Variants in NIBAN2 observed in about 807,000 individuals in gnomAD.
NIBAN2 encodes niban apoptosis regulator 2, also known as protein Niban 2.
Under a neutral mutation model 81.8 loss-of-function variants are expected in NIBAN2, and 36 were observed. That is an observed-to-expected ratio of 0.44 (90% CI 0.34 to 0.58). The LOEUF (loss-of-function observed/expected upper bound fraction) is 0.58, where lower values mean the gene tolerates loss of function less well. Among genes scored for constraint, NIBAN2 ranks in the 20% least tolerant of loss-of-function variants. NIBAN2 has a pLI of 0.02. For missense variants in NIBAN2, 897 were observed against 1,014.1 expected, an observed-to-expected ratio of 0.88 and a Z score of 1.57; for synonymous variants, 445 against 441.6, an observed-to-expected ratio of 1.01 and a Z score of -0.10.
upstream of NIBAN2, among the ~76,000 whole-genome samples, chr9:127,571,631 G>C (rs1837946890): frequency 6.6e-6 from 1 of 152,088 alleles, no homozygotes; most frequent in Admixed American, 6.5e-5. Context: ...GGGAGGCAGA[G>C]GTTGCAGTGA....
chr9:127,568,825 A>T lies in NIBAN2; in HGVS notation c.50T>A (p.Ile17Asn). 1 of 1,365,800 alleles carries T rather than the reference A, an allele frequency of 7.3e-7. No homozygotes were observed. The highest frequency in any genetic ancestry group is 9.5e-7 in the Non-Finnish European group (1 of 1,054,380). 84.6% of individuals were successfully genotyped at this position (1,365,800 alleles called of 1,614,324 possible). The part of the protein sequence containing the change: ...THLDDARRQH[I>N]AEKTGKILTE... ...TGGCGCGGCGCGACCCTCACCTGCG[A>T]TGTGCTGGCGCCGGGCGTCGTCCAG... Residue 17 changes from isoleucine to asparagine, a missense_variant, in exon 1 of 14, where the codon ATC becomes AAC. Coordinates refer to ENST00000373312, the MANE Select transcript of NIBAN2 (RefSeq NM_022833.4).
At position 127,545,611 on chromosome 9, in the gene NIBAN2, ACT is replaced by A. The variant is rs1837456849; in HGVS notation, c.56-13835_56-13834del. ...GGTTTTTCACAAGGCTGCCTTGAAA[ACT>A]CTTCTCGGTTGGCAAATATTTAACC... On this transcript the variant is annotated intron_variant, in intron 1 of 13. Coordinates refer to ENST00000373312, the MANE Select transcript of NIBAN2 (RefSeq NM_022833.4). The surrounding 1 kb of genome is among the most constrained non-coding windows in gnomAD (Gnocchi z 4.7). 6.8e-6 allele frequency among the ~76,000 whole-genome samples: 1 copy of A among 146,866 alleles called. No individual in the cohort carries two copies. Among genetic ancestry groups the A allele is most frequent in the African/African-American group, 2.5e-5 (1 of 39,548 alleles).
At chr9:127,555,548 A>T (rs1243759288) in intron 1 of NIBAN2, among the ~76,000 whole-genome samples, 1 of 152,182 alleles carries the variant, frequency 6.6e-6, no homozygotes, top group Non-Finnish European at 1.5e-5. Context: ...GCGGCAGCTC[A>T]CGTCTGTAAT....
chr9:127,530,108 C>T (rs188934327), intron 2 of NIBAN2, among the ~76,000 whole-genome samples: 235 of 152,340 alleles, frequency 1.5e-3, no homozygotes, highest in African/African-American at 5.5e-3. Flanking sequence ...ACCTGGGCTG[C>T]GTCCAAGGCC....
intron 8 of NIBAN2, among the ~76,000 whole-genome samples, chr9:127,511,426 T>G (rs978920731): frequency 6.6e-6 from 1 of 151,326 alleles, no homozygotes; most frequent in African/African-American, 2.4e-5. Context: ...TCAAACTCCC[T>G]GGGCTCAAGT....
intron 1 of NIBAN2, among the ~76,000 whole-genome samples, chr9:127,548,941 G>C (rs1400557143): frequency 1.3e-5 from 2 of 152,200 alleles, no homozygotes; most frequent in East Asian, 3.9e-4. Flanking sequence ...CAGATGCCCA[G>C]GATAAGGGAC....
chr9:127,530,347 C>A (rs1321351237), intron 2 of NIBAN2, among the ~76,000 whole-genome samples: 3 of 152,230 alleles, frequency 2.0e-5, no homozygotes, highest in Non-Finnish European at 2.9e-5. Flanking sequence ...CAGAAAGGGC[C>A]CTGGGCTGGT....
At chr9:127,530,914 C>A (rs1001854657) in intron 2 of NIBAN2, among the ~76,000 whole-genome samples, 1 of 151,954 alleles carries the variant, frequency 6.6e-6, no homozygotes, top group Non-Finnish European at 1.5e-5. Flanking sequence ...CATGGTGGCT[C>A]ACGCCTGTAA....
At position 127,510,339 on chromosome 9, in the gene NIBAN2, C is replaced by G. The variant is rs1564294699; in HGVS notation, c.974-6G>C. The G allele has an allele frequency of 6.3e-7, 1 of 1,586,536 alleles. No homozygotes were observed. Among genetic ancestry groups the G allele is most frequent in the Non-Finnish European group, 8.6e-7 (1 of 1,160,958 alleles). On this transcript the variant is annotated splice_region_variant and splice_polypyrimidine_tract_variant and intron_variant, in intron 8 of 13. Coordinates refer to ENST00000373312, the MANE Select transcript of NIBAN2 (RefSeq NM_022833.4). ...TGCCTTGGGGAGGATGAAGGCTGTG[C>G]CCCGAGGGAGCCGGGTCAGCAGGGG...
rs777558102 is a variant in NIBAN2, at chr9:127,527,299, G to A, written c.210C>T (p.Val70=). ...WRKVPLDERI[V]FSGNLFQHQE... ...GGTGCTGGAAGAGGTTCCCCGAGAA[G>A]ACGATGCGCTCGTCCAGTGGCACCT... is the stretch of plus-strand genomic sequence containing the variant. The change falls in exon 3 of 14, where the codon GTC becomes GTT. Residue 70 remains valine (V), a synonymous_variant. Coordinates refer to ENST00000373312, the MANE Select transcript of NIBAN2 (RefSeq NM_022833.4). 245 of 1,613,662 alleles carry A rather than the reference G, an allele frequency of 1.5e-4. No homozygotes were observed. Among genetic ancestry groups the A allele is most frequent in the Non-Finnish European group, 2.0e-4 (234 of 1,179,962 alleles).
chr9:127,572,848 G>A (rs73607742), upstream of NIBAN2, among the ~76,000 whole-genome samples: 2 of 151,900 alleles, frequency 1.3e-5, no homozygotes, highest in Admixed American at 6.6e-5. Flanking sequence ...AGTTTGAGAC[G>A]AGCATGGGCA....
chr9:127,558,850 G>A (rs1177167882), intron 1 of NIBAN2, among the ~76,000 whole-genome samples: 1 of 152,086 alleles, frequency 6.6e-6, no homozygotes, highest in East Asian at 1.9e-4. Flanking sequence ...CAGCTAAAAC[G>A]CAATTGCCAT....
intron 1 of NIBAN2, among the ~76,000 whole-genome samples, chr9:127,552,970 G>A (rs1352164201): frequency 1.3e-5 from 2 of 152,132 alleles, no homozygotes; most frequent in South Asian, 4.1e-4. Flanking sequence ...GGGATTACAG[G>A]CATTAGCCTC....
intron 5 of NIBAN2, 83 bp from the exon 6 acceptor site, chr9:127,518,024 C>A (rs1202128232): frequency 3.9e-6 from 3 of 774,564 alleles, no homozygotes; most frequent in African/African-American, 3.5e-5. Flanking sequence ...TGACCAAAAC[C>A]CCCCCCACAC....
In NIBAN2 at chr9:127,522,768, G is replaced by C. The variant is rs78996774; in HGVS notation, c.589+911C>G. On this transcript the variant is annotated intron_variant, in intron 5 of 13. Transcript: ENST00000373312. ...GGGACTTCTGGCATCTCCTCCTTCA[G>C]GTCTGGGACTTCTCCTTCAGGTCTC... 5.4e-3 allele frequency among the ~76,000 whole-genome samples: 816 copies of C among 152,036 alleles called. 7 individuals carry two copies. The highest frequency in any genetic ancestry group is 0.019 in the African/African-American group (782 of 41,470).
In NIBAN2 at chr9:127,519,826, C is replaced by T. The variant is rs180783634; in HGVS notation, c.590-1885G>A. On this transcript the variant is annotated intron_variant, in intron 5 of 13. Transcript: ENST00000373312. ...CCTGGGCCAGGGAAGGAGGTCCCCC[C>T]GCCACCCCACCCGCCTCTCAGAAGG... is the stretch of plus-strand genomic sequence containing the variant. Among the ~76,000 whole-genome samples, 207 of 152,344 alleles carry T rather than the reference C, an allele frequency of 1.4e-3. 5 individuals carry two copies. The East Asian group carries it at 0.028, about 21-fold the overall frequency.
In NIBAN2 at chr9:127,507,051, C is replaced by A; in HGVS notation, c.2035G>T (p.Gly679Trp). ...GCGGCCTTAGGCTGGGGACTCTCCC[C>A]AGCGGGGGCCCCGTTGAGCAGGGGG... ...AGPLLNGAPA[G>W]ESPQPKAAPE... The change falls in exon 14 of 14, where the codon GGG (glycine) becomes TGG (tryptophan). Residue 679 changes from glycine (G) to tryptophan (W), a missense_variant. Gly to Trp is a radical substitution (Grantham distance 184). Around this residue, in one of 3 missense-constraint regions of NIBAN2, gnomAD observed 619 missense variants for 691.0 expected, o/e 0.90. Transcript: ENST00000373312. The surrounding 1 kb of genome is among the most constrained non-coding windows in gnomAD (Gnocchi z 6.8). 6.3e-7 allele frequency: 1 copy of A among 1,580,846 alleles called. No individual in the cohort carries two copies. Among genetic ancestry groups the A allele is most frequent in the Non-Finnish European group, 8.6e-7 (1 of 1,163,142 alleles).
chr9:127,533,577 C>T (rs1000815106), intron 1 of NIBAN2, among the ~76,000 whole-genome samples: 8 of 151,048 alleles, frequency 5.3e-5, no homozygotes, highest in Non-Finnish European at 7.4e-5. Context: ...GAGGCTGCAG[C>T]GAGCTATGAT....
chr9:127,510,275 TG>T lies in NIBAN2; in HGVS notation c.1031del (p.Pro344HisfsTer7). 1.9e-6 allele frequency: 3 copies of T among 1,614,074 alleles called. No homozygotes were observed. The highest frequency in any genetic ancestry group is 2.5e-6 in the Non-Finnish European group (3 of 1,179,966). ...CVRNHVQPYI[P>X]SILEALMVPT... is the part of the protein sequence containing the mutation. ...GGACCATCAGGGCCTCCAGGATGGA[TG>T]GGATGTAGGGCTGGACATGGTTCCG... On this transcript the variant is annotated frameshift_variant, in exon 9 of 14. Transcript: ENST00000373312. LOFTEE classifies it high-confidence loss of function.
Sources: allele counts gnomAD v4.1 joint callset (sites outside exome capture counted in the v4.1 genomes callset), GRCh38; gene constraint gnomAD v4.1.1; regional missense constraint gnomAD v4.1.1; non-coding constraint Gnocchi (gnomAD v3.1); transcripts MANE v1.5; gene names NCBI Gene and HGNC (gene_info 2026-07-23, HGNC 2026-07-21).